Variants in PPEF1 observed in about 807,000 individuals in gnomAD.
PPEF1 encodes the protein serine/threonine-protein phosphatase with EF-hands 1.
Under a neutral mutation model 53.3 loss-of-function variants are expected in PPEF1, and 12 were observed. The observed-to-expected ratio is 0.23, with a 90% confidence interval of 0.14 to 0.36. The LOEUF (loss-of-function observed/expected upper bound fraction) is 0.36, where lower values mean the gene tolerates loss of function less well. Ranked by LOEUF, PPEF1 falls within the 10% of genes least tolerant of loss-of-function variation. The pLI is 1.00. For missense variants in PPEF1, 334 were observed against 490.4 expected (o/e 0.68, Z 3.01); for synonymous variants, 165 against 176.7 (o/e 0.93, Z 0.52).
At chrX:18,738,940 C>T (rs1422184121) in intron 3 of PPEF1, among the ~76,000 whole-genome samples, 3 of 112,240 alleles carry the variant, frequency 2.7e-5, no homozygotes, top group African/African-American at 6.5e-5. Flanking sequence ...CTTGTGCATG[C>T]GTCATGTAAT....
intron 3 of PPEF1, among the ~76,000 whole-genome samples, chrX:18,740,843 A>C (rs771890314): frequency 5.4e-5 from 6 of 111,196 alleles, no homozygotes; most frequent in Non-Finnish European, 7.5e-5. Flanking sequence ...CCTGCAAATT[A>C]AGATCTGCCT....
At chrX:18,769,877 C>T (rs969745632) in intron 6 of PPEF1, among the ~76,000 whole-genome samples, 13 of 111,923 alleles carry the variant, frequency 1.2e-4, no homozygotes, top group African/African-American at 4.2e-4. Context: ...TGTCCAAATT[C>T]ACTGGGATAA....
intron 4 of PPEF1, among the ~76,000 whole-genome samples, chrX:18,757,287 A>T (rs1281504416): frequency 9.1e-6 from 1 of 109,937 alleles, no homozygotes; most frequent in South Asian, 3.9e-4. Flanking sequence ...TGTATTTATA[A>T]TTTTTTTTCA....
At chrX:18,763,994 G>C (rs2045716847) in intron 6 of PPEF1, among the ~76,000 whole-genome samples, 3 of 111,800 alleles carry the variant, frequency 2.7e-5, no homozygotes, top group South Asian at 7.5e-4. Context: ...ATCTAAGCTG[G>C]GTAGGGAAGG....
intron 6 of PPEF1, among the ~76,000 whole-genome samples, chrX:18,773,255 A>G (rs978277401): frequency 1.2e-4 from 13 of 112,434 alleles, no homozygotes; most frequent in African/African-American, 3.5e-4. Context: ...TTTATTGACT[A>G]TAAGTTCATG....
intron 1 of PPEF1, among the ~76,000 whole-genome samples, chrX:18,728,242 G>A (rs773369746): frequency 1.8e-5 from 2 of 110,582 alleles, no homozygotes; most frequent in Non-Finnish European, 3.8e-5. Flanking sequence ...TCACACTGCT[G>A]ATAAAGACAT....
intron 1 of PPEF1, among the ~76,000 whole-genome samples, chrX:18,728,007 G>A (rs745692200): frequency 5.6e-4 from 62 of 111,095 alleles, no homozygotes; most frequent in Non-Finnish European, 1.0e-3. Context: ...TTCCCCTAGG[G>A]CATAGAGCCT....
In PPEF1 at chrX:18,714,269, G is replaced by GTTTTTTT. The variant is rs752286222; in HGVS notation, c.46+6444_46+6450dup. Reference sequence around the variant, plus strand: ...GTGGTACTTGGTAAGTTTGTTTTTCGTTTTTTTGTTTTTTTTTTTTGAGAT... The same window carrying GTTTTTTT: ...GTGGTACTTGGTAAGTTTGTTTTTCGTTTTTTTTTTTTTTGTTTTTTTTTTTTGAGAT... On this transcript the variant is annotated intron_variant, in intron 1 of 15. Coordinates refer to ENST00000470157, the MANE Select transcript of PPEF1 (RefSeq NM_001377996.1). Among the ~76,000 whole-genome samples the GTTTTTTT allele has an allele frequency of 1.1e-4, 7 of 61,935 alleles. 1 individual carries two copies. Among genetic ancestry groups the GTTTTTTT allele is most frequent in the African/African-American group, 1.4e-4 (3 of 20,924 alleles). The allele number at this position is 61,935 out of a possible 115,157, so 53.8% of individuals were successfully genotyped here. A position where few individuals can be genotyped will look rare whatever the true frequency, so the allele number is the denominator to read the frequency against.
chrX:18,747,181 C>T (rs1329338451), intron 3 of PPEF1, among the ~76,000 whole-genome samples: 1 of 111,322 alleles, frequency 9.0e-6, no homozygotes, highest in African/African-American at 3.3e-5. Flanking sequence ...AAAGCATCGC[C>T]AGTGTGGGGG....
chrX:18,799,128 C>T (rs901610018), intron 10 of PPEF1, among the ~76,000 whole-genome samples: 3 of 110,160 alleles, frequency 2.7e-5, no homozygotes, highest in East Asian at 2.9e-4. Context: ...CCCTGCTACT[C>T]GGGAGACTGA....
intron 3 of PPEF1, among the ~76,000 whole-genome samples, chrX:18,748,743 CA>C (rs746770558): frequency 9.0e-6 from 1 of 111,729 alleles, no homozygotes; most frequent in African/African-American, 3.2e-5. Context: ...CTCAGCTCTA[CA>C]TGGTCTTGGG....
chrX:18,681,387 G>C (rs1433525427), upstream of PPEF1, among the ~76,000 whole-genome samples: 1 of 112,291 alleles, frequency 8.9e-6, no homozygotes, highest in Non-Finnish European at 1.9e-5. Context: ...ATTCTCTGTT[G>C]TATTACGCAG....
intron 6 of PPEF1, among the ~76,000 whole-genome samples, chrX:18,775,692 G>C (rs1178980544): frequency 8.9e-6 from 1 of 111,783 alleles, no homozygotes; most frequent in Admixed American, 9.5e-5. Context: ...GATCTGATTG[G>C]TCTGTCTCTC....
rs779955492 is a variant in PPEF1 at position 18,824,033 on chromosome X, G to A, written c.1612G>A (p.Val538Ile). 1.2e-5 allele frequency: 14 copies of A among 1,206,062 alleles called. No homozygotes were observed. The highest frequency in any genetic ancestry group is 1.8e-5 in the South Asian group (1 of 56,373). The stretch of plus-strand genomic sequence containing the variant: ...GGTAAACATAGACCAAAATGGAAAC[G>A]TTGAATACATGTCCAGCTTCCAGAA... The part of the protein sequence containing the change: ...NLVNIDQNGN[V>I]EYMSSFQNIR... Residue 538 changes from valine (V) to isoleucine (I), a missense_variant, in exon 14 of 16, where the codon GTT (valine) becomes ATT (isoleucine). Val to Ile is a conservative substitution (Grantham distance 29). Coordinates refer to ENST00000470157, the MANE Select transcript of PPEF1 (RefSeq NM_001377996.1).
At position 18,821,140 on chromosome X, in the gene PPEF1, A is replaced by G. The variant is rs375970564; in HGVS notation, c.1502-2783A>G. On this transcript the variant is annotated intron_variant, in intron 13 of 15. Coordinates refer to ENST00000470157, the MANE Select transcript of PPEF1 (RefSeq NM_001377996.1). ...CGGGAGGCTGAGGCAGGAGAATGGC[A>G]TGAACCCAGGAGGCGCAGCTTGCAG... Among the ~76,000 whole-genome samples the G allele has an allele frequency of 5.9e-3, 622 of 105,854 alleles. 3 individuals are homozygous for G. The highest frequency in any genetic ancestry group is 0.015 in the African/African-American group (440 of 28,961). 91.9% of individuals were successfully genotyped at this position (105,854 alleles called of 115,157 possible).
intron 6 of PPEF1, among the ~76,000 whole-genome samples, chrX:18,776,223 G>A (rs2045962913): frequency 9.1e-6 from 1 of 110,322 alleles, no homozygotes; most frequent in Non-Finnish European, 1.9e-5. Context: ...TTGGTTGGTT[G>A]GTTGGTTGGT....
intron 1 of PPEF1, among the ~76,000 whole-genome samples, chrX:18,718,294 A>G (rs2044504624): frequency 8.9e-6 from 1 of 111,926 alleles, no homozygotes; most frequent in Non-Finnish European, 1.9e-5. Context: ...CAGAAAGGCC[A>G]GGTGTAGTAG....
chrX:18,689,977 A>C (rs1242180350), intron 3 of PPEF1, among the ~76,000 whole-genome samples: 3 of 110,361 alleles, frequency 2.7e-5, no homozygotes, highest in African/African-American at 9.9e-5. Context: ...TGTCAGGTCA[A>C]AGATGACTTC....
chrX:18,743,216 A>G (rs1364960230), intron 3 of PPEF1, among the ~76,000 whole-genome samples: 1 of 111,418 alleles, frequency 9.0e-6, no homozygotes, highest in Non-Finnish European at 1.9e-5. Flanking sequence ...TAGCGCTTAT[A>G]TCTGTTCAGC....
Sources: gnomAD v4.1 joint callset for allele counts (sites outside exome capture counted in the v4.1 genomes callset) on GRCh38, gnomAD v4.1.1 for gene constraint, MANE v1.5 for transcripts, NCBI Gene and HGNC (gene_info 2026-07-23, HGNC 2026-07-21) for gene names.